Variants in CTNND2 observed in about 807,000 individuals in gnomAD.
The protein encoded by CTNND2 is catenin delta 2.
A neutral mutation model predicts 144.4 loss-of-function variants in CTNND2; 22 were observed. That is an observed-to-expected ratio of 0.15 (90% confidence interval 0.11 to 0.22). The LOEUF (loss-of-function observed/expected upper bound fraction) is 0.22. Ranked by LOEUF, CTNND2 falls within the 10% of genes least tolerant of loss-of-function variation. The pLI is 1.00. For synonymous variants in CTNND2, 751 were observed against 695.6 expected, an observed-to-expected ratio of 1.08 and a Z score of -1.25; for missense variants, 1,353 against 1,618.8, an observed-to-expected ratio of 0.84 and a Z score of 2.82.
At chr5:11,175,403 T>G (rs1401468521) in intron 11 of CTNND2, among the ~76,000 whole-genome samples, 1 of 152,124 alleles carries the variant, frequency 6.6e-6, no homozygotes, top group East Asian at 1.9e-4. Context: ...CAAGCTCTTG[T>G]TTATCGCTCT....
chr5:10,995,893 A>G (rs901031918), intron 18 of CTNND2, among the ~76,000 whole-genome samples: 5 of 152,074 alleles, frequency 3.3e-5, no homozygotes, highest in Admixed American at 1.3e-4. Context: ...TGTTTTTTGC[A>G]TTTTCTTATG....
At chr5:11,602,713 T>C (rs1779861721) in intron 2 of CTNND2, among the ~76,000 whole-genome samples, 1 of 146,298 alleles carries the variant, frequency 6.8e-6, no homozygotes. Flanking sequence ...TCATATATTA[T>C]ATTATATATT....
intron 3 of CTNND2, among the ~76,000 whole-genome samples, chr5:11,467,079 C>T (rs1281578158): frequency 1.3e-5 from 2 of 152,230 alleles, no homozygotes; most frequent in African/African-American, 4.8e-5. Flanking sequence ...TGAAGCCATA[C>T]AAAAAGCTCC....
In CTNND2 at chr5:11,242,548, G is replaced by C. The variant is rs559617916; in HGVS notation, c.1629-5725C>G. 8.2e-4 allele frequency among the ~76,000 whole-genome samples: 125 copies of C among 152,282 alleles called. 1 individual carries two copies. The highest frequency in any genetic ancestry group is 2.9e-3 in the African/African-American group (120 of 41,564). On this transcript the variant is annotated intron_variant, in intron 9 of 21. Transcript: ENST00000304623. Reference sequence around the variant, plus strand: ...GTTTTGGATGGCACCCGTGGAAGGCGCTGCTGGCATCCAGTGGGTAGAGGC... The same window carrying C: ...GTTTTGGATGGCACCCGTGGAAGGCCCTGCTGGCATCCAGTGGGTAGAGGC...
rs5865960 is a variant in CTNND2 at position 11,648,172 on chromosome 5, C to CTT, written c.175-83118_175-83117dup. 6.9e-3 allele frequency among the ~76,000 whole-genome samples: 910 copies of CTT among 132,402 alleles called. 12 individuals carry two copies. Among genetic ancestry groups the CTT allele is most frequent in the African/African-American group, 0.023 (815 of 35,274 alleles). The allele number at this position is 132,402 out of a possible 152,430, so 86.9% of individuals were successfully genotyped here. A position where few individuals can be genotyped will look rare whatever the true frequency, so the allele number is the denominator to read the frequency against. On this transcript the variant is annotated intron_variant, in intron 2 of 21. Coordinates refer to ENST00000304623, the MANE Select transcript of CTNND2 (RefSeq NM_001332.4). ...TCAATGAGGGCAGAGAGAACAGTGA[C>CTT]TTTTTTTTTTTTTTTTTTTACTATT...
intron 11 of CTNND2, among the ~76,000 whole-genome samples, chr5:11,179,166 C>T (rs1202875142): frequency 6.6e-6 from 1 of 151,408 alleles, no homozygotes; most frequent in East Asian, 1.9e-4. Context: ...GTGGCAGGTG[C>T]CCTGTAGTCT....
chr5:11,267,234 G>A (rs1745532624), intron 9 of CTNND2, among the ~76,000 whole-genome samples: 2 of 152,242 alleles, frequency 1.3e-5, no homozygotes, highest in Middle Eastern at 3.4e-3. Flanking sequence ...TCTGCAGGAG[G>A]GGACCTGATG....
chr5:11,579,903 T>A (rs1393711222), intron 2 of CTNND2, among the ~76,000 whole-genome samples: 1 of 152,182 alleles, frequency 6.6e-6, no homozygotes, highest in East Asian at 1.9e-4. Context: ...CTATGCATCA[T>A]CCCGGCAGCT....
chr5:11,358,747 T>TA (rs1220002424), intron 8 of CTNND2, among the ~76,000 whole-genome samples: 1 of 151,400 alleles, frequency 6.6e-6, no homozygotes, highest in Admixed American at 6.6e-5. Context: ...ACGTTTTTTT[T>TA]AGAGACTATT....
chr5:11,280,327 C>G (rs1266326617), intron 9 of CTNND2, among the ~76,000 whole-genome samples: 4 of 152,180 alleles, frequency 2.6e-5, no homozygotes, highest in African/African-American at 4.8e-5. Context: ...TTAGACTGCT[C>G]TGCTGCCACA....
intron 3 of CTNND2, among the ~76,000 whole-genome samples, chr5:11,474,954 C>T (rs956883870): frequency 6.6e-6 from 1 of 152,154 alleles, no homozygotes; most frequent in Non-Finnish European, 1.5e-5. Context: ...CATGGCCACC[C>T]GTTTTCACAT....
intron 1 of CTNND2, among the ~76,000 whole-genome samples, chr5:11,848,713 T>C (rs948265315): frequency 8.5e-5 from 13 of 152,172 alleles, no homozygotes; most frequent in African/African-American, 2.9e-4. Flanking sequence ...AGAGAGCTTC[T>C]ATACACATAG....
intron 9 of CTNND2, among the ~76,000 whole-genome samples, chr5:11,317,295 A>G (rs752681857): frequency 2.0e-5 from 3 of 152,316 alleles, no homozygotes; most frequent in African/African-American, 7.2e-5. Flanking sequence ...CATCATTTTA[A>G]CTGCCATACA....
At chr5:11,218,851 C>T (rs1377761423) in intron 10 of CTNND2, among the ~76,000 whole-genome samples, 1 of 152,126 alleles carries the variant, frequency 6.6e-6, no homozygotes, top group African/African-American at 2.4e-5. Context: ...ATCTTGTTTT[C>T]GTTTGGGGAT....
At chr5:11,218,182 C>G (rs1739403940) in intron 10 of CTNND2, among the ~76,000 whole-genome samples, 1 of 151,924 alleles carries the variant, frequency 6.6e-6, no homozygotes, top group African/African-American at 2.4e-5. Context: ...AGGAGTTGTA[C>G]CAAGTGTTAT....
At chr5:11,414,981 T>G (rs1761825863) in intron 3 of CTNND2, among the ~76,000 whole-genome samples, 1 of 152,240 alleles carries the variant, frequency 6.6e-6, no homozygotes, top group South Asian at 2.1e-4. Context: ...GTACCACATC[T>G]TCTTTAATCA....
At chr5:11,112,361 C>T (rs568065487) in intron 13 of CTNND2, among the ~76,000 whole-genome samples, 9 of 151,990 alleles carry the variant, frequency 5.9e-5, no homozygotes, top group Non-Finnish European at 1.3e-4. Flanking sequence ...TGACCATGGC[C>T]GGATCTGAAG....
At chr5:11,294,150 G>A (rs939258084) in intron 9 of CTNND2, among the ~76,000 whole-genome samples, 10 of 144,490 alleles carry the variant, frequency 6.9e-5, no homozygotes, top group Non-Finnish European at 1.5e-5. Context: ...ACATCAACTC[G>A]TACATATAGT....
chr5:11,872,733 T>A (rs1735244965), intron 1 of CTNND2, among the ~76,000 whole-genome samples: 1 of 152,194 alleles, frequency 6.6e-6, no homozygotes, highest in Non-Finnish European at 1.5e-5. Flanking sequence ...GGGGTTGTTT[T>A]TTTTCTTGTA....
Sources: allele counts gnomAD v4.1 joint callset (sites outside exome capture counted in the v4.1 genomes callset), GRCh38; gene constraint gnomAD v4.1.1; transcripts MANE v1.5; gene names NCBI Gene and HGNC (gene_info 2026-07-23, HGNC 2026-07-21).